The following NAV2 variants were observed in gnomAD, a reference collection of about 807,000 sequenced individuals.
NAV2 encodes the protein neuron navigator 2.
NAV2 carries 54 observed loss-of-function variants against 223.2 expected under a neutral mutation model. The ratio of observed to expected loss-of-function variants is 0.24; its 90% CI spans 0.19 to 0.30. The LOEUF is 0.30. Among genes scored for constraint, NAV2 ranks in the 10% least tolerant of loss-of-function variants. The pLI is 1.00. For synonymous variants in NAV2, 1,279 were observed against 1,239.3 expected (o/e 1.03, Z -0.67); for missense variants, 2,806 against 3,147.5 (o/e 0.89, Z 2.60).
chr11:19,778,489 G>A (rs1479782478), intron 1 of NAV2: 35 of 270,126 alleles, frequency 1.3e-4, no homozygotes, highest in Non-Finnish European at 2.5e-4. Context: ...CTTTAAAGAT[G>A]CTACCAAAAA....
intron 7 of NAV2, 78 bp downstream of exon 7, chr11:19,934,355 G>T: frequency 2.1e-6 from 3 of 1,456,632 alleles, no homozygotes; most frequent in Non-Finnish European, 2.7e-6. Context: ...GTCTGTAAGG[G>T]CAGAAGCTAG....
intron 3 of NAV2, among the ~76,000 whole-genome samples, chr11:19,855,897 A>G (rs906050349): frequency 6.6e-5 from 10 of 152,176 alleles, no homozygotes; most frequent in Non-Finnish European, 1.2e-4. Context: ...ATTTGATTTG[A>G]GTTTCAGAAT....
intron 1 of NAV2, among the ~76,000 whole-genome samples, chr11:19,761,207 T>C (rs1442660895): frequency 6.6e-6 from 1 of 152,140 alleles, no homozygotes; most frequent in Non-Finnish European, 1.5e-5. Context: ...GGGGAGTTAT[T>C]CACTCATTTA....
chr11:19,797,447 T>G (rs2057981853), intron 1 of NAV2, among the ~76,000 whole-genome samples: 1 of 152,202 alleles, frequency 6.6e-6, no homozygotes, highest in African/African-American at 2.4e-5. Context: ...TTCTCTCACT[T>G]GTGGAGAGTT....
intron 1 of NAV2, among the ~76,000 whole-genome samples, chr11:19,778,973 C>T (rs1456467086): frequency 6.6e-6 from 1 of 152,130 alleles, no homozygotes; most frequent in East Asian, 1.9e-4. Context: ...GAATGATTTG[C>T]CAGGCAGGGA....
intron 1 of NAV2, among the ~76,000 whole-genome samples, chr11:19,548,555 C>T (rs1333668425): frequency 6.6e-6 from 1 of 152,084 alleles, no homozygotes. Flanking sequence ...GTCCTGCCAT[C>T]CACGAGTAAT....
rs565084557 is a variant in NAV2, at chr11:20,039,974, C to T, written c.2907+3877C>T. On this transcript the variant is annotated intron_variant, in intron 12 of 37. Transcript: ENST00000349880. The stretch of plus-strand genomic sequence containing the variant: ...GGAGGGGTGCCCCCTTCTGCTCACC[C>T]GCTGGGTAAGTTACTTTTCCTCTTC... Among the ~76,000 whole-genome samples, 5 of 152,238 alleles carry T rather than the reference C, an allele frequency of 3.3e-5. No homozygotes were observed. In the East Asian group the frequency reaches 9.7e-4, roughly 29 times the overall value.
intron 6 of NAV2, among the ~76,000 whole-genome samples, chr11:19,897,421 T>C (rs180861740): frequency 3.2e-4 from 48 of 152,248 alleles, no homozygotes; most frequent in African/African-American, 1.1e-3. Context: ...CAGGCAACTT[T>C]TCAAAACCCA....
At chr11:19,408,323 A>T (rs568214000) in intron 1 of NAV2, among the ~76,000 whole-genome samples, 2 of 152,136 alleles carry the variant, frequency 1.3e-5, no homozygotes, top group Non-Finnish European at 2.9e-5. Context: ...GGAGGCTGGG[A>T]GGGGAACAGC....
chr11:19,762,053 G>C (rs181704372), intron 1 of NAV2, among the ~76,000 whole-genome samples: 5 of 152,282 alleles, frequency 3.3e-5, no homozygotes, highest in Admixed American at 6.5e-5. Flanking sequence ...GACTAGCCTG[G>C]CTAACATGGT....
At chr11:19,579,520 T>C (rs560643802) in intron 1 of NAV2, among the ~76,000 whole-genome samples, 10 of 152,320 alleles carry the variant, frequency 6.6e-5, no homozygotes, top group African/African-American at 2.4e-4. Context: ...AGACCTAAGT[T>C]CAAATCTTGA....
chr11:19,520,797 T>C (rs2043627051), intron 1 of NAV2, among the ~76,000 whole-genome samples: 1 of 152,176 alleles, frequency 6.6e-6, no homozygotes, highest in Non-Finnish European at 1.5e-5. Context: ...GGGTACCAGG[T>C]GCTCTGCTGG....
intron 1 of NAV2, among the ~76,000 whole-genome samples, chr11:19,686,311 C>G (rs762689568): frequency 6.6e-6 from 1 of 152,184 alleles, no homozygotes; most frequent in Non-Finnish European, 1.5e-5. Context: ...CATCCCTCCC[C>G]CTCCCAGACT....
At position 19,366,116 on chromosome 11, in the gene NAV2, T is replaced by G. The variant is rs78508271; in HGVS notation, c.75+15089T>G. Among the ~76,000 whole-genome samples the G allele has an allele frequency of 4.6e-5, 7 of 152,308 alleles. No individual in the cohort carries two copies. In the East Asian group the frequency reaches 1.2e-3, roughly 25 times the overall value. On this transcript the variant is annotated intron_variant, in intron 1 of 37. Transcript: ENST00000360655. ...AGCAGCCACTAAAAAGAGCCCCACC[T>G]GGCCCCTTCCCCTGGAGGGGTGACC... is the stretch of plus-strand genomic sequence containing the variant.
intron 15 of NAV2, 156 bp downstream of exon 15, chr11:20,049,351 G>A (rs1451115796): frequency 1.6e-6 from 1 of 640,954 alleles, no homozygotes; most frequent in Non-Finnish European, 2.6e-6. Context: ...CTTCAGGATG[G>A]AATCAAGCTT....
At chr11:19,654,130 T>G (rs546167092) in intron 1 of NAV2, among the ~76,000 whole-genome samples, 1 of 152,238 alleles carries the variant, frequency 6.6e-6, no homozygotes, top group South Asian at 2.1e-4. Context: ...ATGAGTGAAC[T>G]CCCATTCACA....
At chr11:19,733,379 G>A (rs941437798) in intron 1 of NAV2, among the ~76,000 whole-genome samples, 12 of 152,214 alleles carry the variant, frequency 7.9e-5, no homozygotes, top group African/African-American at 2.7e-4. Context: ...GATAGCTCCA[G>A]GTTTTGAGCT....
rs1313800056 is a variant in NAV2, at chr11:19,750,650, C to T, written c.267+36688C>T. Among the ~76,000 whole-genome samples, 6 of 152,170 alleles carry T rather than the reference C, an allele frequency of 3.9e-5. No homozygotes were observed. The East Asian group carries it at 1.2e-3, about 29-fold the overall frequency. On this transcript the variant is annotated intron_variant, in intron 1 of 37. Coordinates refer to ENST00000349880, the MANE Select transcript of NAV2 (RefSeq NM_145117.5). ...TGTCCCGTGTGGAAGGGGCTTTATA[C>T]TGAGTTCTATCTCTCACTTCAGATA...
rs139326112 is a variant in NAV2 at position 19,407,337 on chromosome 11, C to T, written c.75+56310C>T. ...GCTGAGAGAGGCTGACAAGCAGCAC[C>T]GAATGCCAACTTAATGGTGGTCAGA... On this transcript the variant is annotated intron_variant, in intron 1 of 37. Transcript: ENST00000360655. Among the ~76,000 whole-genome samples, 337 of 152,158 alleles carry T rather than the reference C, an allele frequency of 2.2e-3. 4 individuals carry two copies. Among genetic ancestry groups the T allele is most frequent in the African/African-American group, 7.5e-3 (311 of 41,522 alleles).
Sources: gnomAD v4.1 joint callset for allele counts (sites outside exome capture counted in the v4.1 genomes callset) on GRCh38, gnomAD v4.1.1 for gene constraint, MANE v1.5 for transcripts, NCBI Gene and HGNC (gene_info 2026-07-23, HGNC 2026-07-21) for gene names.